CWC22: variants seen among roughly 807,000 people sequenced by gnomAD.
CWC22 encodes the protein CWC22 spliceosome associated protein, also known as pre-mRNA-splicing factor CWC22 homolog.
CWC22 carries 53 observed loss-of-function variants against 117.2 expected under a neutral mutation model. That is an observed-to-expected ratio of 0.45 (90% CI 0.36 to 0.57). CWC22 has a LOEUF of 0.57. CWC22 is among the 20% of genes least tolerant of loss of function. CWC22 has a pLI of 0.00. For missense variants in CWC22, 980 were observed against 1,068.8 expected (o/e 0.92, Z 1.16); for synonymous variants, 360 against 355.6 (o/e 1.01, Z -0.14).
chr2:179,986,507 C>T (rs569852473), intron 4 of CWC22, among the ~76,000 whole-genome samples, 188 bp downstream of exon 4: 1 of 152,232 alleles, frequency 6.6e-6, no homozygotes, highest in African/African-American at 2.4e-5. Flanking sequence ...AGCAGACATA[C>T]TAGCACCTAC....
chr2:179,958,727 C>CAA (rs1686670448), intron 14 of CWC22, among the ~76,000 whole-genome samples: 2 of 152,110 alleles, frequency 1.3e-5, no homozygotes, highest in Admixed American at 6.5e-5. Flanking sequence ...CTACTATATT[C>CAA]AAGTCAAAAT....
intron 1 of CWC22, among the ~76,000 whole-genome samples, chr2:179,998,767 G>A (rs1314386312): frequency 6.6e-6 from 1 of 151,938 alleles, no homozygotes. Flanking sequence ...AGCATACCTA[G>A]AATTCACTGT....
At chr2:179,980,393 C>A (rs1321328245) in intron 5 of CWC22, among the ~76,000 whole-genome samples, 1 of 150,438 alleles carries the variant, frequency 6.6e-6, no homozygotes, top group Non-Finnish European at 1.5e-5. Flanking sequence ...ATCTTCATAG[C>A]TTCTTTTAGA....
chr2:179,994,952 T>C (rs1687663645), intron 1 of CWC22, among the ~76,000 whole-genome samples: 1 of 152,104 alleles, frequency 6.6e-6, no homozygotes, highest in Non-Finnish European at 1.5e-5. Flanking sequence ...CCGTCTCTAC[T>C]GAAAAATTAC....
intron 1 of CWC22, among the ~76,000 whole-genome samples, chr2:180,000,446 G>A (rs1687817744): frequency 6.6e-6 from 1 of 152,182 alleles, no homozygotes; most frequent in Admixed American, 6.5e-5. Flanking sequence ...AATGTGTTTT[G>A]ACTAGAGGAT....
At chr2:179,958,230 T>C (rs775319315) in intron 14 of CWC22, among the ~76,000 whole-genome samples, 54 of 148,676 alleles carry the variant, frequency 3.6e-4, no homozygotes, top group Admixed American at 3.2e-3. Context: ...ACTAGGGAGG[T>C]TGAGGCAGGA....
intron 6 of CWC22, among the ~76,000 whole-genome samples, chr2:179,974,743 C>A (rs973968378): frequency 6.6e-6 from 1 of 151,976 alleles, no homozygotes; most frequent in South Asian, 2.1e-4. Context: ...TACTTTATAC[C>A]CCCACCTTTT....
At chr2:179,991,395 C>T (rs945903883) in intron 2 of CWC22, among the ~76,000 whole-genome samples, 3 of 152,156 alleles carry the variant, frequency 2.0e-5, no homozygotes, top group African/African-American at 7.2e-5. Flanking sequence ...AAAGAATCAG[C>T]ATCAACCCAG....
At chr2:179,962,235 C>G (rs367757387) in intron 13 of CWC22, among the ~76,000 whole-genome samples, 22 of 152,212 alleles carry the variant, frequency 1.4e-4, no homozygotes, top group African/African-American at 4.8e-4. Flanking sequence ...TGAGATTAGT[C>G]AACAAAAACA....
At chr2:179,977,273 A>G (rs1687176103) in intron 6 of CWC22, among the ~76,000 whole-genome samples, 1 of 152,196 alleles carries the variant, frequency 6.6e-6, no homozygotes, top group African/African-American at 2.4e-5. Context: ...AGGTATCTGC[A>G]CTCCCACATT....
chr2:179,986,618 G>C, intron 4 of CWC22, 77 bp downstream of exon 4: 1 of 788,620 alleles, frequency 1.3e-6, no homozygotes, highest in African/African-American at 1.8e-5. Context: ...TATTATTTTT[G>C]TTTTTATTAC....
At chr2:179,953,060 G>A (rs566696987) in intron 16 of CWC22, among the ~76,000 whole-genome samples, 4 of 152,148 alleles carry the variant, frequency 2.6e-5, no homozygotes, top group African/African-American at 9.6e-5. Flanking sequence ...CTTAAAAACT[G>A]AAATGCCTAA....
At chr2:179,954,402 C>G (rs745606080) in intron 15 of CWC22, 45 bp from the exon 16 acceptor site, 1 of 1,182,702 alleles carries the variant, frequency 8.5e-7, no homozygotes, top group Non-Finnish European at 1.2e-6. Flanking sequence ...AATGTTAATA[C>G]AATTATGAGC....
chr2:179,997,094 T>C (rs1472813527), intron 1 of CWC22, among the ~76,000 whole-genome samples: 5 of 152,176 alleles, frequency 3.3e-5, no homozygotes, highest in Admixed American at 6.5e-5. Flanking sequence ...TACTGTTTTA[T>C]TTTAATTTAT....
intron 2 of CWC22, 74 bp downstream of exon 2, chr2:179,993,241 A>C: frequency 9.3e-7 from 1 of 1,080,650 alleles, no homozygotes; most frequent in Non-Finnish European, 1.4e-6. Flanking sequence ...CTAATTACAT[A>C]AATGCATTTA....
rs561153655 is a variant in CWC22, at chr2:179,966,687, T to G, written c.1211-705A>C. Among the ~76,000 whole-genome samples, 585 of 152,324 alleles carry G rather than the reference T, an allele frequency of 3.8e-3. 3 individuals carry two copies. The highest frequency in any genetic ancestry group is 0.014 in the African/African-American group (566 of 41,584). On this transcript the variant is annotated intron_variant, in intron 11 of 19. Transcript: ENST00000410053. ...TGAGACTACATAAGGCCAGTCATTA[T>G]GTTAAAAGCAAACAAATGACAAAAA... is the stretch of plus-strand genomic sequence containing the variant.
intron 16 of CWC22, among the ~76,000 whole-genome samples, chr2:179,953,128 T>A (rs1369629609): frequency 6.6e-6 from 1 of 152,058 alleles, no homozygotes; most frequent in African/African-American, 2.4e-5. Flanking sequence ...ATGGGTTATG[T>A]GTTTGGGGGG....
chr2:179,958,938 A>C lies in CWC22; in HGVS notation c.1458+84T>G, dbSNP rs1458250683. On this transcript the variant is annotated intron_variant, in intron 14 of 19. Coordinates refer to ENST00000410053, the MANE Select transcript of CWC22 (RefSeq NM_020943.3). The stretch of plus-strand genomic sequence containing the variant: ...ATATTTAGTACTGAGGTATTGCTTC[A>C]ATCCACAAAACTTACCCATTAACAG... The C allele has an allele frequency of 6.8e-6, 5 of 733,308 alleles. No individual in the cohort carries two copies. The African/African-American group carries it at 8.9e-5, about 13-fold the overall frequency. 45.4% of individuals were successfully genotyped at this position (733,308 alleles called of 1,614,324 possible).
intron 6 of CWC22, among the ~76,000 whole-genome samples, chr2:179,975,556 G>C (rs1477295262): frequency 2.0e-5 from 3 of 152,000 alleles, no homozygotes; most frequent in Admixed American, 6.6e-5. Flanking sequence ...AAAATTGTTA[G>C]AACTAATAAA....
Sources: allele counts gnomAD v4.1 joint callset (sites outside exome capture counted in the v4.1 genomes callset), GRCh38; gene constraint gnomAD v4.1.1; transcripts MANE v1.5; gene names NCBI Gene and HGNC (gene_info 2026-07-23, HGNC 2026-07-21).